SPRED1: variants seen among roughly 807,000 people sequenced by gnomAD.
SPRED1 encodes the protein sprouty-related, EVH1 domain-containing protein 1.
In SPRED1, 18 loss-of-function variants were observed where a neutral mutation model predicts 52.3. That is an observed-to-expected ratio of 0.34 (90% CI 0.24 to 0.51). The LOEUF (loss-of-function observed/expected upper bound fraction) is 0.51. SPRED1 is among the 20% of genes least tolerant of loss of function. The pLI, the probability that SPRED1 is intolerant of heterozygous loss-of-function variation, is 0.97. For missense variants in SPRED1, 485 were observed against 551.0 expected (o/e 0.88, Z 1.20); for synonymous variants, 155 against 179.7 (o/e 0.86, Z 1.10).
In SPRED1 at chr15:38,351,845, G is replaced by T; in HGVS notation, c.*181G>T. The T allele has an allele frequency of 1.4e-6, 1 of 703,352 alleles. No individual in the cohort carries two copies. The highest frequency in any genetic ancestry group is 2.4e-6 in the Non-Finnish European group (1 of 423,036). The allele number at this position is 703,352 out of a possible 1,614,324, so 43.6% of individuals were successfully genotyped here. On this transcript the variant is annotated 3_prime_UTR_variant, in exon 7 of 7. Coordinates refer to ENST00000299084, the MANE Select transcript of SPRED1 (RefSeq NM_152594.3). Reference sequence around the variant, plus strand: ...GCCATGCCTAACTTTTCCCTTGAGTGCATGGCATGTTTTGTTACAGGTTGT... The same window carrying T: ...GCCATGCCTAACTTTTCCCTTGAGTTCATGGCATGTTTTGTTACAGGTTGT...
At chr15:38,279,637 A>G (rs1418855797) in intron 1 of SPRED1, among the ~76,000 whole-genome samples, 1 of 152,200 alleles carries the variant, frequency 6.6e-6, no homozygotes, top group Non-Finnish European at 1.5e-5. Context: ...TGTAAGCCAT[A>G]GTTTCCTCAT....
intron 2 of SPRED1, among the ~76,000 whole-genome samples, chr15:38,303,681 ATAT>A (rs756084588): frequency 8.7e-4 from 132 of 152,146 alleles, no homozygotes; most frequent in Non-Finnish European, 8.7e-4. Context: ...AGATAATAAA[ATAT>A]TATAAATTTG....
intron 4 of SPRED1, among the ~76,000 whole-genome samples, chr15:38,332,184 A>G (rs746870476): frequency 7.2e-5 from 11 of 152,318 alleles, no homozygotes; most frequent in Non-Finnish European, 1.5e-4. Flanking sequence ...TTAGGAAGAT[A>G]TATGTCAAAT....
chr15:38,328,874 C>T (rs1425670692), intron 4 of SPRED1, among the ~76,000 whole-genome samples: 5 of 152,040 alleles, frequency 3.3e-5, no homozygotes, highest in Admixed American at 1.3e-4. Flanking sequence ...CCACCACTCG[C>T]GGCTAATTTT....
At chr15:38,333,462 A>G (rs765507983) in intron 4 of SPRED1, among the ~76,000 whole-genome samples, 6 of 152,174 alleles carry the variant, frequency 3.9e-5, no homozygotes. Flanking sequence ...TATATTGACT[A>G]TTTTAAAGTA....
At chr15:38,319,431 G>A (rs1025091165) in intron 2 of SPRED1, among the ~76,000 whole-genome samples, 2 of 152,204 alleles carry the variant, frequency 1.3e-5, no homozygotes, top group Non-Finnish European at 2.9e-5. Flanking sequence ...CTAGGCTGGA[G>A]TGCAATGGCA....
chr15:38,265,251 G>A (rs1894285176), intron 1 of SPRED1, among the ~76,000 whole-genome samples: 1 of 152,064 alleles, frequency 6.6e-6, no homozygotes, highest in Non-Finnish European at 1.5e-5. Flanking sequence ...CCCTACTTCA[G>A]AGGGATACAA....
intron 3 of SPRED1, 38 bp downstream of exon 3, chr15:38,322,447 G>A (rs1895623872): frequency 6.3e-7 from 1 of 1,595,468 alleles, no homozygotes; most frequent in African/African-American, 1.3e-5. Context: ...TTATTTATCG[G>A]TTATATATAG....
intron 2 of SPRED1, among the ~76,000 whole-genome samples, chr15:38,315,267 G>A (rs1034801299): frequency 6.6e-6 from 1 of 151,786 alleles, no homozygotes; most frequent in Non-Finnish European, 1.5e-5. Context: ...TTTTATGTCT[G>A]GTTACCAAGC....
At chr15:38,341,147 C>T (rs995588024) in intron 5 of SPRED1, among the ~76,000 whole-genome samples, 1 of 151,980 alleles carries the variant, frequency 6.6e-6, no homozygotes, top group African/African-American at 2.4e-5. Context: ...TTTTCAAGTT[C>T]ATTGGCATAA....
At chr15:38,346,687 T>TAA (rs1896144231) in intron 5 of SPRED1, among the ~76,000 whole-genome samples, 1 of 152,210 alleles carries the variant, frequency 6.6e-6, no homozygotes, top group African/African-American at 2.4e-5. Flanking sequence ...CAGGTTTTTA[T>TAA]TGTTACAGGC....
intron 2 of SPRED1, among the ~76,000 whole-genome samples, chr15:38,312,423 A>AT (rs1258991843): frequency 2.0e-5 from 3 of 152,064 alleles, no homozygotes. Flanking sequence ...GTTTTTTGTT[A>AT]TTTTTTAGTG....
chr15:38,255,047 A>G (rs1309284374), intron 1 of SPRED1, among the ~76,000 whole-genome samples: 1 of 152,248 alleles, frequency 6.6e-6, no homozygotes, highest in African/African-American at 2.4e-5. Flanking sequence ...CAGCTAATAA[A>G]AAAAGCAGAT....
intron 1 of SPRED1, among the ~76,000 whole-genome samples, chr15:38,287,258 T>C (rs931739041): frequency 6.6e-6 from 1 of 152,188 alleles, no homozygotes; most frequent in Admixed American, 6.5e-5. Context: ...TTTTCTCATT[T>C]ATTTGTCTAG....
chr15:38,336,668 G>A (rs1246819537), intron 4 of SPRED1, among the ~76,000 whole-genome samples: 1 of 151,568 alleles, frequency 6.6e-6, no homozygotes, highest in Admixed American at 6.6e-5. Flanking sequence ...TCTAAGTGAA[G>A]CAACTCAGGA....
rs1244296784 is a variant in SPRED1, at chr15:38,357,016, C to G, written c.*5352C>G. ...ACATTCTTCACATCAAGTTAATACC[C>G]ACAAGTAAGTAGAATAGCTTTTATA... On this transcript the variant is annotated 3_prime_UTR_variant, in exon 7 of 7. Coordinates refer to ENST00000299084, the MANE Select transcript of SPRED1 (RefSeq NM_152594.3). 3 of 152,108 alleles carry G rather than the reference C, an allele frequency of 2.0e-5. No individual in the cohort carries two copies. The highest frequency in any genetic ancestry group is 4.8e-5 in the African/African-American group (2 of 41,430). The allele number at this position is 152,108 out of a possible 1,614,324, so 9.4% of individuals were successfully genotyped here. A position where few individuals can be genotyped will look rare whatever the true frequency, so the allele number is the denominator to read the frequency against.
At position 38,293,099 on chromosome 15, in the gene SPRED1, C is replaced by CTTTTTTTTTTTTTT. The variant is rs66511254; in HGVS notation, c.33-6268_33-6255dup. Among the ~76,000 whole-genome samples, 707 of 90,718 alleles carry CTTTTTTTTTTTTTT rather than the reference C, an allele frequency of 7.8e-3. 79 individuals carry two copies. Among genetic ancestry groups the CTTTTTTTTTTTTTT allele is most frequent in the East Asian group, 8.9e-3 (24 of 2,696 alleles). The allele number at this position is 90,718 out of a possible 152,430, so 59.5% of individuals were successfully genotyped here. On this transcript the variant is annotated intron_variant, in intron 1 of 6. Transcript: ENST00000299084. ...TTAAGTAATTTACCCAAGATTACAA[C>CTTTTTTTTTTTTTT]TTTTTTTTTTTTTTTTTTTGAGACG...
chr15:38,331,527 A>G (rs1326632405), intron 4 of SPRED1, among the ~76,000 whole-genome samples: 2 of 152,174 alleles, frequency 1.3e-5, no homozygotes, highest in Non-Finnish European at 2.9e-5. Flanking sequence ...GGTTATTAGT[A>G]CAGGTTGAGC....
In SPRED1 at chr15:38,355,137, G is replaced by A. The variant is rs1888587137; in HGVS notation, c.*3473G>A. The A allele has an allele frequency of 6.6e-6, 1 of 152,282 alleles. No homozygotes were observed. Among genetic ancestry groups the A allele is most frequent in the Non-Finnish European group, 1.5e-5 (1 of 68,136 alleles). The allele number at this position is 152,282 out of a possible 1,614,324, so 9.4% of individuals were successfully genotyped here. On this transcript the variant is annotated 3_prime_UTR_variant, in exon 7 of 7. Coordinates refer to ENST00000299084, the MANE Select transcript of SPRED1 (RefSeq NM_152594.3). ...TGCCCAGCTAAGTTTTGGTATTTTAGTAGAGATGGGGTTTCACCATGTTGG... is the reference window on the plus strand; with the variant it reads ...TGCCCAGCTAAGTTTTGGTATTTTAATAGAGATGGGGTTTCACCATGTTGG...
Sources: gnomAD v4.1 joint callset for allele counts (sites outside exome capture counted in the v4.1 genomes callset) on GRCh38, gnomAD v4.1.1 for gene constraint, MANE v1.5 for transcripts, NCBI Gene and HGNC (gene_info 2026-07-23, HGNC 2026-07-21) for gene names.